CSMD1: variants seen among roughly 807,000 people sequenced by gnomAD.
CSMD1 encodes the protein CUB and sushi domain-containing protein 1.
Under a neutral mutation model 417.5 loss-of-function variants are expected in CSMD1, and 213 were observed. The observed-to-expected ratio is 0.51, with a 90% CI of 0.46 to 0.57. CSMD1 has a LOEUF of 0.57. CSMD1 is among the 20% of genes least tolerant of loss of function. The pLI, the probability that CSMD1 is intolerant of heterozygous loss-of-function variation, is 0.00. For missense variants in CSMD1, 6,923 were observed against 4,529.7 expected, an observed-to-expected ratio of 1.53 and a Z score of -15.17; for synonymous variants, 2,862 against 1,736.8, an observed-to-expected ratio of 1.65 and a Z score of -16.11.
chr8:3,655,133 G>C (rs911946542), intron 7 of CSMD1, among the ~76,000 whole-genome samples: 3 of 152,086 alleles, frequency 2.0e-5, no homozygotes. Context: ...CCAAGCTTTA[G>C]CTATAGAGCT....
chr8:4,411,516 T>C (rs1451985492), intron 3 of CSMD1, among the ~76,000 whole-genome samples: 1 of 152,244 alleles, frequency 6.6e-6, no homozygotes, highest in Non-Finnish European at 1.5e-5. Flanking sequence ...TCCCACATTA[T>C]CATCAGACAT....
chr8:3,259,255 A>T (rs747248246), intron 26 of CSMD1, among the ~76,000 whole-genome samples: 1 of 152,248 alleles, frequency 6.6e-6, no homozygotes, highest in Non-Finnish European at 1.5e-5. Flanking sequence ...TGATTACAGA[A>T]TGGAAGACGT....
Position 3,264,572 on chromosome 8 carries a change from G to A in CSMD1, c.4153+19572C>T, listed in dbSNP as rs190865779. Among the ~76,000 whole-genome samples the A allele has an allele frequency of 4.8e-3, 727 of 152,266 alleles. 3 individuals are homozygous for A. The highest frequency in any genetic ancestry group is 8.3e-3 in the Non-Finnish European group (565 of 68,016). ...CTGGAGTGGATATGCCTCTAGAACA[G>A]AGAATAAATATTAACAATCATTTAT... is the stretch of plus-strand genomic sequence containing the variant. On this transcript the variant is annotated intron_variant, in intron 26 of 69. Coordinates refer to ENST00000635120, the MANE Select transcript of CSMD1 (RefSeq NM_033225.6).
At chr8:3,189,616 G>A (rs1405528546) in intron 34 of CSMD1, among the ~76,000 whole-genome samples, 1 of 152,080 alleles carries the variant, frequency 6.6e-6, no homozygotes, top group Admixed American at 6.6e-5. Flanking sequence ...ACATGATAAT[G>A]GTTTTTTCCC....
chr8:4,508,416 T>G lies in CSMD1; in HGVS notation c.303-88351A>C, dbSNP rs138680679. Among the ~76,000 whole-genome samples the G allele has an allele frequency of 5.3e-5, 8 of 152,314 alleles. No homozygotes were observed. In the East Asian group the frequency reaches 1.5e-3, roughly 29 times the overall value. On this transcript the variant is annotated intron_variant, in intron 2 of 69. Transcript: ENST00000635120. ...TGAATTTTATACATAATCTTTGCCA[T>G]GCTTCAAAGTCAACCCACTTAGATA...
intron 49 of CSMD1, among the ~76,000 whole-genome samples, chr8:3,064,471 C>T (rs1004058350): frequency 6.6e-6 from 1 of 152,190 alleles, no homozygotes; most frequent in Non-Finnish European, 1.5e-5. Context: ...GCCACGTTTC[C>T]TGTACAGCCT....
Position 3,223,884 on chromosome 8 carries a change from G to A in CSMD1, c.4346-17C>T, listed in dbSNP as rs1275092001. 2 of 1,612,968 alleles carry A rather than the reference G, an allele frequency of 1.2e-6. No homozygotes were observed. Among genetic ancestry groups the A allele is most frequent in the African/African-American group, 2.7e-5 (2 of 74,864 alleles). On this transcript the variant is annotated splice_polypyrimidine_tract_variant and intron_variant, in intron 27 of 69. Coordinates refer to ENST00000635120, the MANE Select transcript of CSMD1 (RefSeq NM_033225.6). The stretch of plus-strand genomic sequence containing the variant: ...CACAAGCAGCTGTCACAGAACAAAA[G>A]TTACAGAGAAAAAGTAAGGACAGCG...
chr8:3,524,086 CGCAT>C (rs1563120605), intron 10 of CSMD1, among the ~76,000 whole-genome samples: 1 of 150,280 alleles, frequency 6.7e-6, no homozygotes, highest in African/African-American at 2.5e-5. Context: ...CATGCACACA[CGCAT>C]GCACACCCAG....
At chr8:3,223,892 G>A in intron 27 of CSMD1, 25 bp from the exon 28 acceptor site, 1 of 1,612,000 alleles carries the variant, frequency 6.2e-7, no homozygotes. Flanking sequence ...AAGTTACAGA[G>A]AAAAAGTAAG....
chr8:2,949,481 T>A, intron 67 of CSMD1, 95 bp from the exon 68 acceptor site: 1 of 586,064 alleles, frequency 1.7e-6, no homozygotes, highest in African/African-American at 1.9e-5. Context: ...AACTGTTATA[T>A]CTCATATTTA....
chr8:4,017,404 C>G (rs1796574786), intron 4 of CSMD1, among the ~76,000 whole-genome samples: 1 of 152,130 alleles, frequency 6.6e-6, no homozygotes. Context: ...CTCCCGGGTT[C>G]AATCGATTCT....
chr8:3,591,390 T>C (rs1035280907), intron 8 of CSMD1, among the ~76,000 whole-genome samples: 1 of 152,224 alleles, frequency 6.6e-6, no homozygotes, highest in Non-Finnish European at 1.5e-5. Context: ...GAGTAAACTA[T>C]TTCCAAACAC....
At chr8:4,034,924 C>A (rs1308385613) in intron 3 of CSMD1, among the ~76,000 whole-genome samples, 2 of 152,132 alleles carry the variant, frequency 1.3e-5, no homozygotes, top group African/African-American at 4.8e-5. Context: ...GTCATTGTCA[C>A]ACACGGAAAA....
At chr8:4,529,943 C>T (rs530521379) in intron 2 of CSMD1, among the ~76,000 whole-genome samples, 2 of 150,586 alleles carry the variant, frequency 1.3e-5, no homozygotes, top group Non-Finnish European at 2.9e-5. Flanking sequence ...GAGACCGAGT[C>T]TCGATTTGTC....
intron 1 of CSMD1, among the ~76,000 whole-genome samples, chr8:4,690,511 G>C (rs148481389): frequency 6.6e-6 from 1 of 152,176 alleles, no homozygotes; most frequent in Admixed American, 6.5e-5. Context: ...TGATATTTGA[G>C]TGGTATTTCC....
intron 3 of CSMD1, among the ~76,000 whole-genome samples, chr8:4,142,745 T>A (rs17069130): frequency 3.1e-4 from 46 of 150,668 alleles, no homozygotes; most frequent in Middle Eastern, 6.8e-3. Flanking sequence ...TGAGATTACA[T>A]TGAACTTGCC....
intron 21 of CSMD1, among the ~76,000 whole-genome samples, chr8:3,356,994 T>G (rs1467920408): frequency 6.7e-6 from 1 of 149,836 alleles, no homozygotes; most frequent in African/African-American, 2.5e-5. Context: ...TGGTGGGGTC[T>G]GGGGAGCCAG....
intron 7 of CSMD1, among the ~76,000 whole-genome samples, chr8:3,651,087 T>C (rs1419232463): frequency 1.3e-5 from 2 of 152,230 alleles, no homozygotes; most frequent in African/African-American, 2.4e-5. Flanking sequence ...GATTCGTGCA[T>C]ACAATGGCCG....
intron 12 of CSMD1, among the ~76,000 whole-genome samples, chr8:3,447,863 C>G (rs931779680): frequency 4.6e-5 from 7 of 152,062 alleles, no homozygotes; most frequent in African/African-American, 2.4e-5. Flanking sequence ...TGTCTTTACT[C>G]TTCGTTCCTC....
Sources: allele counts gnomAD v4.1 joint callset (sites outside exome capture counted in the v4.1 genomes callset), GRCh38; gene constraint gnomAD v4.1.1; transcripts MANE v1.5; gene names NCBI Gene and HGNC (gene_info 2026-07-23, HGNC 2026-07-21).